Variants in FOXP2 observed in about 807,000 individuals in gnomAD.
FOXP2 encodes the protein forkhead box protein P2.
FOXP2 carries 12 observed loss-of-function variants against 115.8 expected under a neutral mutation model. The observed-to-expected ratio is 0.10, with a 90% CI of 0.07 to 0.17. FOXP2 has a LOEUF of 0.17. Among genes scored for constraint, FOXP2 ranks in the 10% least tolerant of loss-of-function variants. The pLI is 1.00. For missense variants in FOXP2, 629 were observed against 843.5 expected (o/e 0.75, Z 3.15); for synonymous variants, 328 against 297.7 (o/e 1.10, Z -1.05).
At chr7:114,365,079 C>A (rs1791845867) in intron 2 of FOXP2, among the ~76,000 whole-genome samples, 1 of 152,048 alleles carries the variant, frequency 6.6e-6, no homozygotes, top group South Asian at 2.1e-4. Context: ...ATGAACATAG[C>A]TAGGATTCAC....
intron 2 of FOXP2, among the ~76,000 whole-genome samples, chr7:114,510,434 T>C (rs994395866): frequency 5.3e-5 from 8 of 152,108 alleles, no homozygotes; most frequent in Non-Finnish European, 7.4e-5. Context: ...CAAATAAAAA[T>C]AGGATAAGAA....
rs1000873880 is a variant in FOXP2 at position 114,233,713 on chromosome 7, T to C, written c.-101-54306T>C. 5.3e-5 allele frequency among the ~76,000 whole-genome samples: 8 copies of C among 152,204 alleles called. No individual in the cohort carries two copies. In the South Asian group the frequency reaches 8.3e-4, roughly 16 times the overall value. ...GATCAGGCAAACTGTAGTAATATGA[T>C]GAATAAAATACAGCAGTGGCTGGGC... On this transcript the variant is annotated intron_variant, in intron 1 of 17. Transcript: ENST00000634411.
intron 1 of FOXP2, among the ~76,000 whole-genome samples, chr7:114,123,659 A>G (rs1791627304): frequency 6.6e-6 from 1 of 152,142 alleles, no homozygotes; most frequent in Non-Finnish European, 1.5e-5. Flanking sequence ...TATGTATTAC[A>G]TATTTATGCA....
At chr7:114,313,416 C>T (rs1273891176) in intron 2 of FOXP2, among the ~76,000 whole-genome samples, 2 of 152,156 alleles carry the variant, frequency 1.3e-5, no homozygotes, top group African/African-American at 2.4e-5. Context: ...CTTACATTTC[C>T]ATTTTACTAA....
chr7:114,626,333 G>A (rs917388684), intron 3 of FOXP2, among the ~76,000 whole-genome samples: 3 of 151,704 alleles, frequency 2.0e-5, no homozygotes, highest in Non-Finnish European at 3.0e-5. Context: ...CTGTAAACTC[G>A]TAGTGGTTTA....
intron 3 of FOXP2, among the ~76,000 whole-genome samples, chr7:114,602,272 G>A (rs1212264113): frequency 6.6e-6 from 1 of 151,674 alleles, no homozygotes; most frequent in Non-Finnish European, 1.5e-5. Context: ...ATATCTTTCT[G>A]TTTTGCTGTT....
chr7:114,496,275 C>T (rs1797317470), intron 2 of FOXP2, among the ~76,000 whole-genome samples: 1 of 152,088 alleles, frequency 6.6e-6, no homozygotes, highest in Non-Finnish European at 1.5e-5. Context: ...GCAGAATTTA[C>T]TACTAACATA....
chr7:114,107,047 T>C (rs1304361857), intron 1 of FOXP2, among the ~76,000 whole-genome samples: 2 of 151,996 alleles, frequency 1.3e-5, no homozygotes, highest in Non-Finnish European at 1.5e-5. Flanking sequence ...ATTCCAGTAA[T>C]AGGGTTAGAT....
At chr7:114,135,244 T>C (rs1290115515) in intron 1 of FOXP2, among the ~76,000 whole-genome samples, 3 of 152,222 alleles carry the variant, frequency 2.0e-5, no homozygotes, top group Non-Finnish European at 4.4e-5. Context: ...CTGAAAAATT[T>C]ACTTATGACA....
intron 8 of FOXP2, among the ~76,000 whole-genome samples, chr7:114,650,828 A>G (rs1806207487): frequency 6.6e-6 from 1 of 152,058 alleles, no homozygotes; most frequent in Admixed American, 6.6e-5. Flanking sequence ...CAAGACTGAC[A>G]TTGTGACAAG....
intron 2 of FOXP2, among the ~76,000 whole-genome samples, chr7:114,447,685 C>T (rs1388028211): frequency 6.6e-6 from 1 of 152,128 alleles, no homozygotes; most frequent in Non-Finnish European, 1.5e-5. Context: ...TATTTTGAAT[C>T]TGAGATTTAA....
chr7:114,671,497 T>C (rs1384498678), intron 16 of FOXP2, among the ~76,000 whole-genome samples: 1 of 152,218 alleles, frequency 6.6e-6, no homozygotes, highest in East Asian at 1.9e-4. Context: ...CTGACAGTAT[T>C]GTAGCTTACT....
At chr7:114,091,329 G>C (rs1326284357) in intron 1 of FOXP2, among the ~76,000 whole-genome samples, 1 of 151,754 alleles carries the variant, frequency 6.6e-6, no homozygotes, top group Non-Finnish European at 1.5e-5. Flanking sequence ...TTCTTACGTT[G>C]CAACACTTTT....
At chr7:114,642,727 G>A (rs1165764457) in intron 7 of FOXP2, 104 bp downstream of exon 7, 3 of 772,860 alleles carry the variant, frequency 3.9e-6, no homozygotes, top group Admixed American at 2.0e-5. Flanking sequence ...AGGACAAAAT[G>A]TATAGAACAA....
At position 114,631,513 on chromosome 7, in the gene FOXP2, G is replaced by A; in HGVS notation, c.598-15G>A. 1.9e-6 allele frequency: 3 copies of A among 1,556,520 alleles called. No homozygotes were observed. The highest frequency in any genetic ancestry group is 2.6e-6 in the Non-Finnish European group (3 of 1,149,638). The stretch of plus-strand genomic sequence containing the variant: ...TGTTCTCTGCTGTTTACTGGTTTGG[G>A]TTTTCTGATACCAGCAGCAGCAGCA... On this transcript the variant is annotated splice_polypyrimidine_tract_variant and intron_variant, in intron 5 of 16. Coordinates refer to ENST00000350908, the MANE Select transcript of FOXP2 (RefSeq NM_014491.4).
intron 2 of FOXP2, among the ~76,000 whole-genome samples, chr7:114,473,032 C>T (rs956343131): frequency 6.6e-6 from 1 of 152,136 alleles, no homozygotes; most frequent in African/African-American, 2.4e-5. Flanking sequence ...ATTTAACCTT[C>T]GTATTAACCA....
intron 16 of FOXP2, among the ~76,000 whole-genome samples, chr7:114,678,885 A>G (rs1272913805): frequency 2.0e-5 from 3 of 152,206 alleles, no homozygotes; most frequent in Admixed American, 6.5e-5. Flanking sequence ...CTTGAGAGTC[A>G]TGAAAAGTTA....
intron 2 of FOXP2, among the ~76,000 whole-genome samples, chr7:114,380,996 G>T (rs920759068): frequency 2.8e-4 from 42 of 152,168 alleles, no homozygotes; most frequent in Admixed American, 2.7e-3. Context: ...CTTGGGTTAG[G>T]GCCTTCTTTA....
chr7:114,141,109 GT>G (rs1562978366), intron 1 of FOXP2, among the ~76,000 whole-genome samples: 4 of 152,084 alleles, frequency 2.6e-5, no homozygotes, highest in Admixed American at 2.0e-4. Context: ...CCTCACTTAA[GT>G]TCTGAATAAA....
Sources: allele counts gnomAD v4.1 joint callset (sites outside exome capture counted in the v4.1 genomes callset), GRCh38; gene constraint gnomAD v4.1.1; transcripts MANE v1.5; gene names NCBI Gene and HGNC (gene_info 2026-07-23, HGNC 2026-07-21).